The following SPATA22 variants were observed in gnomAD, a reference collection of about 807,000 sequenced individuals.
SPATA22 encodes the protein spermatogenesis-associated protein 22.
SPATA22 carries 29 observed loss-of-function variants against 47.8 expected under a neutral mutation model. That is an observed-to-expected ratio of 0.61 (90% CI 0.45 to 0.83). The LOEUF (loss-of-function observed/expected upper bound fraction) is 0.83. SPATA22 is among the 40% of genes least tolerant of loss of function. The pLI, the probability that SPATA22 is intolerant of heterozygous loss-of-function variation, is 0.00. For missense variants in SPATA22, 410 were observed against 421.7 expected (o/e 0.97, Z 0.24); for synonymous variants, 133 against 140.9 (o/e 0.94, Z 0.40).
intron 1 of SPATA22, among the ~76,000 whole-genome samples, chr17:3,471,238 G>A (rs532613064): frequency 4.6e-5 from 7 of 152,118 alleles, no homozygotes; most frequent in South Asian, 2.1e-4. Context: ...TATTCTTGGC[G>A]CCATCCTAGG....
At position 3,490,076 on chromosome 17, in the gene SPATA22, A is replaced by G. The variant is rs569393523; in HGVS notation, c.-73-20678T>C. On this transcript the variant is annotated intron_variant, in intron 1 of 8. Coordinates refer to the SPATA22 transcript ENST00000541913. The surrounding 1 kb of genome is among the most constrained non-coding windows in gnomAD (Gnocchi z 4.6). ...CACCAATTGGCTTTAAAATAACAAT[A>G]ATAATCATCACCTTCTAGGATACAT... is the stretch of plus-strand genomic sequence containing the variant. 2.3e-4 allele frequency among the ~76,000 whole-genome samples: 35 copies of G among 152,322 alleles called. No homozygotes were observed. In the South Asian group the frequency reaches 6.2e-3, roughly 27 times the overall value.
intron 8 of SPATA22, 87 bp from the exon 9 acceptor site, chr17:3,440,425 T>G (rs1020649783): frequency 7.1e-6 from 8 of 1,122,490 alleles, no homozygotes; most frequent in African/African-American, 6.4e-5. Context: ...CAACTAAACA[T>G]GTGCCACCTC....
intron 1 of SPATA22, among the ~76,000 whole-genome samples, chr17:3,477,821 G>A (rs2073553323): frequency 6.6e-6 from 1 of 152,066 alleles, no homozygotes; most frequent in East Asian, 1.9e-4. Flanking sequence ...GCCAGGTACT[G>A]GGGGAGTACA....
intron 1 of SPATA22, among the ~76,000 whole-genome samples, chr17:3,470,026 G>A (rs770859355): frequency 1.4e-5 from 2 of 141,360 alleles, no homozygotes; most frequent in African/African-American, 2.6e-5. Context: ...CCGAGAGGCC[G>A]AGGTTGCAGT....
At chr17:3,510,931 G>A (rs1041441376) in intron 1 of SPATA22, 3 of 152,276 alleles carry the variant, frequency 2.0e-5, no homozygotes, top group Non-Finnish European at 2.9e-5. Context: ...ACATCCCAGG[G>A]AGGAAGGTTA....
intron 1 of SPATA22, among the ~76,000 whole-genome samples, chr17:3,509,958 T>A (rs1423531098): frequency 6.6e-6 from 1 of 152,248 alleles, no homozygotes; most frequent in African/African-American, 2.4e-5. Flanking sequence ...GCCACGTAAA[T>A]GTCTTCTTTT....
At chr17:3,504,305 T>C (rs138745663) in intron 1 of SPATA22, among the ~76,000 whole-genome samples, 2 of 152,198 alleles carry the variant, frequency 1.3e-5, no homozygotes, top group African/African-American at 4.8e-5. Flanking sequence ...CCAATAGAGG[T>C]GAGTTGAATA....
intron 5 of SPATA22, among the ~76,000 whole-genome samples, chr17:3,449,850 G>A (rs562882344): frequency 2.6e-5 from 4 of 151,872 alleles, no homozygotes; most frequent in East Asian, 1.9e-4. Context: ...TCTAAGTCAC[G>A]AATTTTTTTT....
At chr17:3,505,383 G>A (rs931990558) in intron 1 of SPATA22, among the ~76,000 whole-genome samples, 19 of 152,240 alleles carry the variant, frequency 1.2e-4, no homozygotes, top group Admixed American at 1.0e-3. Context: ...AGCTCAGTGC[G>A]TTTTGCTGGA....
chr17:3,472,830 T>C (rs569983225), upstream of SPATA22, among the ~76,000 whole-genome samples: 1 of 152,004 alleles, frequency 6.6e-6, no homozygotes, highest in South Asian at 2.1e-4. Flanking sequence ...TAAAGAAGAG[T>C]GTTAGAAAAT....
intron 5 of SPATA22, among the ~76,000 whole-genome samples, chr17:3,460,814 A>AAAAAAAAG (rs1555535972): frequency 2.1e-5 from 3 of 140,100 alleles, no homozygotes; most frequent in Non-Finnish European, 1.5e-5. Context: ...AAAAAAAAAA[A>AAAAAAAAG]GATTAAAAAT....
intron 2 of SPATA22, chr17:3,468,469 G>A (rs1407486968): frequency 2.0e-5 from 3 of 152,220 alleles, no homozygotes; most frequent in Admixed American, 2.0e-4. Flanking sequence ...CTGATGAAAG[G>A]CTGGGAGAAT....
chr17:3,463,053 C>T (rs1423816139), intron 3 of SPATA22, among the ~76,000 whole-genome samples: 3 of 152,164 alleles, frequency 2.0e-5, no homozygotes, highest in Non-Finnish European at 4.4e-5. Flanking sequence ...TGAATTTCAT[C>T]TAATCCAATG....
At chr17:3,473,224 T>C (rs1157285167), upstream of SPATA22, among the ~76,000 whole-genome samples, 1 of 152,174 alleles carries the variant, frequency 6.6e-6, no homozygotes, top group Non-Finnish European at 1.5e-5. Flanking sequence ...ATACTTGTCT[T>C]TTTCTGCTTA....
At chr17:3,513,836 T>C (rs2074144971) in exon 1 of SPATA22, 10 of 1,259,308 alleles carry the variant, frequency 7.9e-6, no homozygotes, top group Non-Finnish European at 1.0e-5. Flanking sequence ...CCACCATCCC[T>C]CAAAGCCTCT....
At chr17:3,467,226 T>C (rs1445203371) in intron 3 of SPATA22, among the ~76,000 whole-genome samples, 200 bp downstream of exon 3, 1 of 152,184 alleles carries the variant, frequency 6.6e-6, no homozygotes, top group Non-Finnish European at 1.5e-5. Context: ...GATACTCCAT[T>C]TAAATGCTAA....
chr17:3,512,325 TC>T (rs57868197), intron 1 of SPATA22: 144,427 of 152,068 alleles, frequency 0.95, 69,017 homozygotes, highest in East Asian at 1. Flanking sequence ...TTGTGAAGCC[TC>T]ACACACCCCA....
intron 1 of SPATA22, chr17:3,483,543 T>C: frequency 1.2e-6 from 2 of 1,614,206 alleles, no homozygotes; most frequent in Non-Finnish European, 1.7e-6. Flanking sequence ...TGATTGAGCA[T>C]CCTTCCCTCA....
rs777440893 is a variant in SPATA22, at chr17:3,483,560, C to T, written c.-73-14162G>A. On this transcript the variant is annotated intron_variant, in intron 1 of 8. Transcript: ENST00000541913. ...ATTGAGCATCCTTCCCTCAAATATG[C>T]GACCACTCGTTCCATAGCCAAGTAT... 9.3e-6 allele frequency: 15 copies of T among 1,613,878 alleles called. No homozygotes were observed. The highest frequency in any genetic ancestry group is 3.3e-4 in the Middle Eastern group (2 of 6,084).
Sources: allele counts gnomAD v4.1 joint callset (sites outside exome capture counted in the v4.1 genomes callset), GRCh38; gene constraint gnomAD v4.1.1; non-coding constraint Gnocchi (gnomAD v3.1); transcripts MANE v1.5; gene names NCBI Gene and HGNC (gene_info 2026-07-23, HGNC 2026-07-21).